NUP188: variants seen among roughly 807,000 people sequenced by gnomAD.
NUP188 encodes the protein nucleoporin NUP188.
In NUP188, 97 loss-of-function variants were observed where a neutral mutation model predicts 223.0. The observed-to-expected ratio is 0.43, with a 90% CI of 0.37 to 0.51. The LOEUF (loss-of-function observed/expected upper bound fraction) is 0.51. Among genes scored for constraint, NUP188 ranks in the 20% least tolerant of loss-of-function variants. The probability of loss-of-function intolerance (pLI) is 0.00; values close to 1 mark genes in which losing one functional copy is unlikely to be tolerated. For missense variants in NUP188, 1,947 were observed against 2,175.6 expected, an observed-to-expected ratio of 0.89 and a Z score of 2.09; for synonymous variants, 869 against 828.0, an observed-to-expected ratio of 1.05 and a Z score of -0.85.
Position 128,995,082 on chromosome 9 carries a change from C to T in NUP188, c.3155+159C>T, listed in dbSNP as rs1299673423. ...TGAGCTGTGTTCCTGGCCAATCCACCGATGGCATTTATGATTGTCAGAAAG... is the reference window on the plus strand; with the variant it reads ...TGAGCTGTGTTCCTGGCCAATCCACTGATGGCATTTATGATTGTCAGAAAG... On this transcript the variant is annotated intron_variant, in intron 29 of 43. Coordinates refer to ENST00000372577, the MANE Select transcript of NUP188 (RefSeq NM_015354.3). The T allele has an allele frequency of 2.4e-5, 16 of 655,188 alleles. 1 individual carries two copies. The highest frequency in any genetic ancestry group is 5.4e-5 in the South Asian group (3 of 55,190). 40.6% of individuals were successfully genotyped at this position (655,188 alleles called of 1,614,324 possible).
chr9:129,003,038 A>G (rs1249279849), intron 37 of NUP188, 63 bp downstream of exon 37: 3 of 1,569,336 alleles, frequency 1.9e-6, no homozygotes, highest in East Asian at 2.2e-5. Context: ...TGGGCCATTC[A>G]TGGGGCAGGT....
intron 10 of NUP188, among the ~76,000 whole-genome samples, chr9:128,970,365 AC>A (rs779632032): frequency 1.6e-4 from 24 of 152,126 alleles, no homozygotes; most frequent in Non-Finnish European, 2.6e-4. Context: ...CAAGGAGAAA[AC>A]CCTGGGGATT....
chr9:128,977,585 G>A (rs1036471903), intron 12 of NUP188, among the ~76,000 whole-genome samples: 1 of 152,056 alleles, frequency 6.6e-6, no homozygotes, highest in Non-Finnish European at 1.5e-5. Flanking sequence ...CAAGGCAGGC[G>A]GGCCACCTGA....
At chr9:128,962,174 A>T (rs957153291) in intron 8 of NUP188, among the ~76,000 whole-genome samples, 1 of 151,426 alleles carries the variant, frequency 6.6e-6, no homozygotes, top group African/African-American at 2.4e-5. Flanking sequence ...ACCTCAGGTG[A>T]TCTGCCTACC....
intron 8 of NUP188, among the ~76,000 whole-genome samples, chr9:128,968,109 A>G (rs147268931): frequency 6.6e-6 from 1 of 152,332 alleles, no homozygotes; most frequent in East Asian, 1.9e-4. Context: ...ATTTAAAAAA[A>G]GAAAAAATGA....
intron 8 of NUP188, among the ~76,000 whole-genome samples, chr9:128,962,975 C>T (rs1300601776): frequency 6.6e-6 from 1 of 152,162 alleles, no homozygotes; most frequent in East Asian, 1.9e-4. Flanking sequence ...AATAGAACCA[C>T]ACAATATGTA....
intron 8 of NUP188, among the ~76,000 whole-genome samples, chr9:128,961,584 A>G (rs957306539): frequency 4.4e-5 from 6 of 136,498 alleles, no homozygotes; most frequent in Non-Finnish European, 7.4e-5. Context: ...ATATCTATCT[A>G]TCTATCTAGA....
At chr9:128,966,166 T>C (rs71499432) in intron 8 of NUP188, among the ~76,000 whole-genome samples, 66 of 136,396 alleles carry the variant, frequency 4.8e-4, no homozygotes, top group South Asian at 4.7e-3. Flanking sequence ...TGTGTGTGTG[T>C]GTGCGTGTGC....
chr9:128,979,477 A>G, intron 13 of NUP188, 150 bp downstream of exon 13: 1 of 537,472 alleles, frequency 1.9e-6, no homozygotes, highest in Non-Finnish European at 3.3e-6. Context: ...CCCTCTTTTA[A>G]TGTGATGACA....
intron 8 of NUP188, among the ~76,000 whole-genome samples, chr9:128,963,426 C>G (rs1841982477): frequency 6.6e-6 from 1 of 151,716 alleles, no homozygotes; most frequent in Non-Finnish European, 1.5e-5. Context: ...GCTGGGATTA[C>G]AGGCATGCAT....
At chr9:128,955,622 C>T (rs1841857816) in intron 3 of NUP188, among the ~76,000 whole-genome samples, 1 of 152,076 alleles carries the variant, frequency 6.6e-6, no homozygotes, top group Non-Finnish European at 1.5e-5. Context: ...GCGTGTCCTT[C>T]CTTTTTTCTT....
rs547085125 is a variant in NUP188, at chr9:128,961,590, CTAGATAGA to C, written c.585+2482_585+2489del. On this transcript the variant is annotated intron_variant, in intron 8 of 43. Coordinates refer to ENST00000372577, the MANE Select transcript of NUP188 (RefSeq NM_015354.3). ...TCTATATCTATATCTATCTATCTAT[CTAGATAGA>C]TAGATAGATAGATAGATAGATAGAT... 1.0e-2 allele frequency among the ~76,000 whole-genome samples: 1,376 copies of C among 138,080 alleles called. 21 individuals are homozygous for C. Among genetic ancestry groups the C allele is most frequent in the African/African-American group, 0.038 (1,275 of 33,762 alleles). 90.6% of individuals were successfully genotyped at this position (138,080 alleles called of 152,430 possible).
chr9:128,994,523 A>G (rs1159167831), intron 28 of NUP188, 81 bp downstream of exon 28: 1 of 900,738 alleles, frequency 1.1e-6, no homozygotes, highest in Non-Finnish European at 1.8e-6. Context: ...GGCCGTAGAC[A>G]ATGATACCTC....
In NUP188 at chr9:129,006,075, C is replaced by T. The variant is rs768518962; in HGVS notation, c.4895C>T (p.Thr1632Ile). The change falls in exon 42 of 44, where the codon ACC becomes ATC. Residue 1632 changes from threonine (T) to isoleucine (I), a missense_variant. By Grantham distance (89) the Thr-to-Ile change is moderately conservative. Around this residue, in one of 3 missense-constraint regions of NUP188, gnomAD observed 905 missense variants for 990.6 expected, o/e 0.91. Coordinates refer to ENST00000372577, the MANE Select transcript of NUP188 (RefSeq NM_015354.3). ...CTGGACAAGAAAAAGGAGCCCCTCA[C>T]CCAGGCAGTGGGGCTCAGCACACAG... Reference protein sequence around the residue: ...GELDKKKEPLTQAVGLSTQAE... With the variant: ...GELDKKKEPLIQAVGLSTQAE... The T allele has an allele frequency of 1.9e-6, 3 of 1,614,148 alleles. No homozygotes were observed. The highest frequency in any genetic ancestry group is 2.5e-6 in the Non-Finnish European group (3 of 1,180,010).
At position 128,976,744 on chromosome 9, in the gene NUP188, G is replaced by A. The variant is rs1376640049; in HGVS notation, c.1204-2518G>A. On this transcript the variant is annotated intron_variant, in intron 12 of 43. Coordinates refer to ENST00000372577, the MANE Select transcript of NUP188 (RefSeq NM_015354.3). ...GGTTTGTGTACTTTGGGAGAATTCT[G>A]GTTACTTTTGACCTGACCTTACACC... Among the ~76,000 whole-genome samples the A allele has an allele frequency of 4.0e-5, 6 of 151,628 alleles. No individual in the cohort carries two copies. In the South Asian group the frequency reaches 8.3e-4, roughly 21 times the overall value.
At chr9:128,982,482 G>A in intron 15 of NUP188, 67 bp from the exon 16 acceptor site, 3 of 1,329,678 alleles carry the variant, frequency 2.3e-6, no homozygotes, top group African/African-American at 1.5e-5. Context: ...AAATATTGAT[G>A]TCTGGTAGAG....
intron 30 of NUP188, among the ~76,000 whole-genome samples, chr9:128,997,183 G>A (rs1287651024): frequency 1.3e-5 from 2 of 152,200 alleles, no homozygotes; most frequent in African/African-American, 4.8e-5. Context: ...GAGGAGAGAA[G>A]TCTAGGCAGA....
At chr9:128,952,918 A>G (rs144333074) in intron 3 of NUP188, 72 bp downstream of exon 3, 100 of 1,168,122 alleles carry the variant, frequency 8.6e-5, no homozygotes, top group East Asian at 1.9e-4. Flanking sequence ...CCATCCTTCT[A>G]TGTGCTTTGA....
chr9:128,968,815 T>A, intron 9 of NUP188, 98 bp downstream of exon 9: 1 of 892,628 alleles, frequency 1.1e-6, no homozygotes, highest in Non-Finnish European at 1.8e-6. Flanking sequence ...ACTTTTCACT[T>A]AATCGGTGGG....
Sources: allele counts gnomAD v4.1 joint callset (sites outside exome capture counted in the v4.1 genomes callset), GRCh38; gene constraint gnomAD v4.1.1; regional missense constraint gnomAD v4.1.1; transcripts MANE v1.5; gene names NCBI Gene and HGNC (gene_info 2026-07-23, HGNC 2026-07-21).